The following FAM107B variants were observed in gnomAD, a reference collection of about 807,000 sequenced individuals.
FAM107B encodes the protein family with sequence similarity 107 member B.
In FAM107B, 21 loss-of-function variants were observed where a neutral mutation model predicts 31.5. The ratio of observed to expected loss-of-function variants is 0.67; its 90% CI spans 0.47 to 0.96. The LOEUF is 0.96. FAM107B is among the 40% of genes least tolerant of loss of function. The probability of loss-of-function intolerance (pLI) is 0.00; values close to 1 mark genes in which losing one functional copy is unlikely to be tolerated. For missense variants in FAM107B, 452 were observed against 377.1 expected (o/e 1.20, Z -1.64); for synonymous variants, 157 against 141.5 (o/e 1.11, Z -0.78).
intron 2 of FAM107B, among the ~76,000 whole-genome samples, chr10:14,656,791 CA>C (rs1329294710): frequency 6.6e-6 from 1 of 151,880 alleles, no homozygotes; most frequent in Non-Finnish European, 1.5e-5. Context: ...GCAGCACACA[CA>C]AAAAATTAGG....
At chr10:14,756,571 T>C (rs955269381) in intron 1 of FAM107B, among the ~76,000 whole-genome samples, 6 of 152,210 alleles carry the variant, frequency 3.9e-5, no homozygotes, top group Non-Finnish European at 7.3e-5. Context: ...GGTGGGTGTG[T>C]AAATTAGTTC....
chr10:14,578,970 A>G (rs1027574305), intron 2 of FAM107B, among the ~76,000 whole-genome samples: 3 of 152,202 alleles, frequency 2.0e-5, no homozygotes, highest in Non-Finnish European at 4.4e-5. Flanking sequence ...AGCCTTGTTC[A>G]CACATTGTAA....
chr10:14,714,887 A>G (rs146383986), intron 1 of FAM107B, among the ~76,000 whole-genome samples: 14 of 152,262 alleles, frequency 9.2e-5, no homozygotes, highest in African/African-American at 3.1e-4. Flanking sequence ...CTACATTTAC[A>G]TATATATAGC....
At chr10:14,531,256 A>G (rs1846960012) in intron 2 of FAM107B, among the ~76,000 whole-genome samples, 1 of 152,230 alleles carries the variant, frequency 6.6e-6, no homozygotes, top group Non-Finnish European at 1.5e-5. Flanking sequence ...AAGGTGGCTC[A>G]TGCCTGTAAT....
At chr10:14,740,264 A>G (rs1042595349) in intron 1 of FAM107B, among the ~76,000 whole-genome samples, 4 of 152,254 alleles carry the variant, frequency 2.6e-5, no homozygotes, top group Non-Finnish European at 5.9e-5. Context: ...ACAATGGCCC[A>G]TTATTCAGGT....
rs1422986812 is a variant in FAM107B, at chr10:14,555,335, C to G, written c.470-24820G>C. On this transcript the variant is annotated intron_variant, in intron 2 of 4. Transcript: ENST00000181796. ...TCAAGGAAAAACATTGATTATAAAACTGACTACTGGATTAAATAATATTAT... is the reference window on the plus strand; with the variant it reads ...TCAAGGAAAAACATTGATTATAAAAGTGACTACTGGATTAAATAATATTAT... Among the ~76,000 whole-genome samples, 3 of 152,150 alleles carry G rather than the reference C, an allele frequency of 2.0e-5. No individual in the cohort carries two copies. The East Asian group carries it at 5.8e-4, about 29-fold the overall frequency.
At chr10:14,654,187 A>G (rs1853978222) in intron 2 of FAM107B, among the ~76,000 whole-genome samples, 1 of 151,452 alleles carries the variant, frequency 6.6e-6, no homozygotes, top group South Asian at 2.1e-4. Context: ...ATTGGAACCT[A>G]GATTTTTACA....
At chr10:14,684,779 T>A (rs1270408164) in intron 1 of FAM107B, among the ~76,000 whole-genome samples, 1 of 151,938 alleles carries the variant, frequency 6.6e-6, no homozygotes, top group Non-Finnish European at 1.5e-5. Context: ...TATAAGGCGA[T>A]ATTGAATAGA....
At chr10:14,630,278 T>TAAA (rs10525721) in intron 2 of FAM107B, among the ~76,000 whole-genome samples, 132 of 134,534 alleles carry the variant, frequency 9.8e-4, no homozygotes, top group Admixed American at 4.6e-3. Flanking sequence ...CTACTGATGC[T>TAAA]AAAAAAAAAA....
intron 2 of FAM107B, among the ~76,000 whole-genome samples, chr10:14,537,834 A>AC (rs1491451216): frequency 3.1e-5 from 2 of 64,994 alleles, no homozygotes; most frequent in Non-Finnish European, 8.0e-5. Context: ...ACTCTGTCTC[A>AC]AAAAAAAAAA....
Position 14,640,363 on chromosome 10 carries a change from T to C in FAM107B, c.469+27271A>G, listed in dbSNP as rs1041716510. ...GCACAAATGAATGATTTCTCCAGAA[T>C]GGTAGAAGGTGATCAGCTGTTCTTT... On this transcript the variant is annotated intron_variant, in intron 2 of 4. Coordinates refer to ENST00000181796, the MANE Select transcript of FAM107B (RefSeq NM_031453.4). 2.6e-5 allele frequency among the ~76,000 whole-genome samples: 4 copies of C among 152,218 alleles called. No homozygotes were observed. In the East Asian group the frequency reaches 7.7e-4, roughly 29 times the overall value.
intron 1 of FAM107B, among the ~76,000 whole-genome samples, chr10:14,670,406 G>T (rs1256739090): frequency 6.6e-6 from 1 of 152,182 alleles, no homozygotes; most frequent in Non-Finnish European, 1.5e-5. Flanking sequence ...ACCAAAGAAT[G>T]TGTAAATAAC....
At chr10:14,752,287 C>A (rs907283062) in intron 1 of FAM107B, among the ~76,000 whole-genome samples, 1 of 152,202 alleles carries the variant, frequency 6.6e-6, no homozygotes, top group African/African-American at 2.4e-5. Flanking sequence ...CCTCACTCAC[C>A]TCTTTGCAGT....
At chr10:14,604,205 T>C in intron 2 of FAM107B, 2 of 976,742 alleles carry the variant, frequency 2.0e-6, no homozygotes, top group Non-Finnish European at 2.4e-6. Context: ...GCCCCTCGTC[T>C]TTGTGTGGAA....
At chr10:14,560,598 G>A (rs148093472) in intron 2 of FAM107B, among the ~76,000 whole-genome samples, 1,586 of 152,242 alleles carry the variant, frequency 0.01, 21 homozygotes, top group African/African-American at 0.036. Flanking sequence ...TGGAAGGCTC[G>A]GAAGTCAGAC....
intron 1 of FAM107B, among the ~76,000 whole-genome samples, chr10:14,771,821 G>T (rs919601497): frequency 1.3e-5 from 2 of 152,154 alleles, no homozygotes; most frequent in African/African-American, 4.8e-5. Flanking sequence ...CAGCCAATAT[G>T]TATGATATTT....
chr10:14,609,639 T>A (rs980761355), intron 2 of FAM107B, among the ~76,000 whole-genome samples: 3 of 152,336 alleles, frequency 2.0e-5, no homozygotes, highest in African/African-American at 7.2e-5. Context: ...CACACCCAGA[T>A]CATCTTCCTA....
intron 2 of FAM107B, among the ~76,000 whole-genome samples, chr10:14,584,663 T>C (rs1851766141): frequency 6.6e-6 from 1 of 152,150 alleles, no homozygotes; most frequent in Non-Finnish European, 1.5e-5. Flanking sequence ...GGCAGGAGAA[T>C]AGGGGCTGGA....
intron 2 of FAM107B, among the ~76,000 whole-genome samples, chr10:14,637,064 T>C (rs942565054): frequency 1.5e-4 from 23 of 152,194 alleles, no homozygotes; most frequent in African/African-American, 4.6e-4. Context: ...TAAGCTGTGA[T>C]CATGAATTCT....
Sources: gnomAD v4.1 joint callset for allele counts (sites outside exome capture counted in the v4.1 genomes callset) on GRCh38, gnomAD v4.1.1 for gene constraint, MANE v1.5 for transcripts, NCBI Gene and HGNC (gene_info 2026-07-23, HGNC 2026-07-21) for gene names.